The following PCDHGB7 variants were observed in gnomAD, a reference collection of about 807,000 sequenced individuals.
PCDHGB7 encodes the protein protocadherin gamma-B7.
A neutral mutation model predicts 61.4 loss-of-function variants in PCDHGB7; 37 were observed. The observed-to-expected ratio is 0.60, with a 90% CI of 0.46 to 0.79. PCDHGB7 has a LOEUF of 0.79. PCDHGB7 is among the 30% of genes least tolerant of loss of function. PCDHGB7 has a pLI of 0.00. For synonymous variants in PCDHGB7, 464 were observed against 503.5 expected, an observed-to-expected ratio of 0.92 and a Z score of 1.05; for missense variants, 1,166 against 1,202.5, an observed-to-expected ratio of 0.97 and a Z score of 0.45.
chr5:141,476,738 C>T lies in PCDHGB7; in HGVS notation c.2416-18069C>T. 6.2e-7 allele frequency: 1 copy of T among 1,614,076 alleles called. No individual in the cohort carries two copies. The highest frequency in any genetic ancestry group is 2.2e-5 in the East Asian group (1 of 44,880). On this transcript the variant is annotated intron_variant, in intron 1 of 3. Transcript: ENST00000398594. This position sits in a 1 kb window ranked among gnomAD's most constrained non-coding sequence, Gnocchi z 7.6. Reference sequence around the variant, plus strand: ...GCGCGCCCTGGACCGAGAACGGGAGCCTAGTCTCCAGTTAGTGCTGACGGC... The same window carrying T: ...GCGCGCCCTGGACCGAGAACGGGAGTCTAGTCTCCAGTTAGTGCTGACGGC...
At chr5:141,446,860 G>A (rs969206755) in intron 1 of PCDHGB7, among the ~76,000 whole-genome samples, 17 of 152,162 alleles carry the variant, frequency 1.1e-4, no homozygotes, top group African/African-American at 3.9e-4. Flanking sequence ...CTTCCTGATA[G>A]CTCTACACTG....
intron 1 of PCDHGB7, chr5:141,426,336 C>T (rs779025306): frequency 1.7e-4 from 31 of 187,682 alleles, no homozygotes; most frequent in Non-Finnish European, 2.8e-4. Context: ...GGCAAGCACT[C>T]TTCCCTTTCC....
Position 141,421,488 on chromosome 5 carries a change from G to A in PCDHGB7, c.2415+1214G>A. On this transcript the variant is annotated intron_variant, in intron 1 of 3. Transcript: ENST00000398594. ...ATCCGCGAAGCGGCAGCTTGATCAC[G>A]GCAGGCAGGATAGACCGGGAGGAGC... The A allele has an allele frequency of 1.9e-6, 3 of 1,614,100 alleles. No homozygotes were observed. In the South Asian group the frequency reaches 3.3e-5, roughly 18 times the overall value.
intron 2 of PCDHGB7, among the ~76,000 whole-genome samples, chr5:141,501,184 C>T (rs1209222790): frequency 6.6e-6 from 1 of 152,002 alleles, no homozygotes; most frequent in Non-Finnish European, 1.5e-5. Context: ...CATTTTAACA[C>T]AATTAAATTC....
At chr5:141,510,816 A>G (rs1478938067) in intron 3 of PCDHGB7, 131 bp from the exon 4 acceptor site, 2 of 1,547,282 alleles carry the variant, frequency 1.3e-6, no homozygotes, top group Non-Finnish European at 1.8e-6. Context: ...GGTGACCCCT[A>G]TATTCCCAGT....
intron 1 of PCDHGB7, among the ~76,000 whole-genome samples, chr5:141,446,247 A>T (rs969960822): frequency 6.6e-6 from 1 of 152,160 alleles, no homozygotes; most frequent in African/African-American, 2.4e-5. Context: ...GTAGATCTTC[A>T]GTGAAATATT....
chr5:141,461,124 A>G (rs992107268), intron 1 of PCDHGB7, among the ~76,000 whole-genome samples: 1 of 151,978 alleles, frequency 6.6e-6, no homozygotes, highest in Admixed American at 6.6e-5. Context: ...TTTTTCATAT[A>G]ATTACTTATT....
In PCDHGB7 at chr5:141,485,556, A is replaced by T; in HGVS notation, c.2416-9251A>T. On this transcript the variant is annotated intron_variant, in intron 1 of 3. Coordinates refer to ENST00000398594, the MANE Select transcript of PCDHGB7 (RefSeq NM_018927.4). This position sits in a 1 kb window ranked among gnomAD's most constrained non-coding sequence, Gnocchi z 5.7. ...GAGGTAGAGATCGTAGATGTGAATG[A>T]TCACGCCCCCCGTTTTCCGCGGCAG... is the stretch of plus-strand genomic sequence containing the variant. The T allele has an allele frequency of 6.2e-7, 1 of 1,613,664 alleles. No homozygotes were observed. Among genetic ancestry groups the T allele is most frequent in the Non-Finnish European group, 8.5e-7 (1 of 1,179,644 alleles).
At chr5:141,450,608 T>A (rs916441293) in intron 1 of PCDHGB7, among the ~76,000 whole-genome samples, 1 of 151,894 alleles carries the variant, frequency 6.6e-6, no homozygotes, top group East Asian at 1.9e-4. Flanking sequence ...TGCCTCAGCC[T>A]CCTGAGTAGC....
intron 1 of PCDHGB7, chr5:141,426,693 A>C (rs62378458): frequency 0.034 from 14,964 of 435,892 alleles, 320 homozygotes; most frequent in Middle Eastern, 0.11. Flanking sequence ...CCAAAATAGC[A>C]TTGTTTTACA....
In PCDHGB7 at chr5:141,419,344, C is replaced by T. The variant is rs2096363174; in HGVS notation, c.1485C>T (p.Asp495=). The T allele has an allele frequency of 1.9e-6, 3 of 1,613,732 alleles. No individual in the cohort carries two copies. Among genetic ancestry groups the T allele is most frequent in the Non-Finnish European group, 2.5e-6 (3 of 1,179,914 alleles). ...GRVSYSLIAS[D]LESRTLSSYV... The stretch of plus-strand genomic sequence containing the variant: ...TCTCCTACTCTCTCATTGCCAGCGA[C>T]CTGGAGTCACGAACGCTGTCGTCCT... Residue 495 remains aspartate (D), a synonymous_variant, in exon 1 of 4, where the codon GAC becomes GAT. Coordinates refer to ENST00000398594, the MANE Select transcript of PCDHGB7 (RefSeq NM_018927.4).
At chr5:141,455,289 A>G (rs1592356100) in intron 1 of PCDHGB7, among the ~76,000 whole-genome samples, 2 of 152,192 alleles carry the variant, frequency 1.3e-5, no homozygotes, top group East Asian at 3.9e-4. Context: ...ATCACTTTAC[A>G]TAGTTTCATC....
chr5:141,455,037 C>T (rs1251627513), intron 1 of PCDHGB7, among the ~76,000 whole-genome samples: 1 of 151,744 alleles, frequency 6.6e-6, no homozygotes, highest in Non-Finnish European at 1.5e-5. Flanking sequence ...TGGTCTCGAT[C>T]TCCTGACCTC....
At chr5:141,470,957 TCCTCCCACCTCAG>T (rs2099244488) in intron 1 of PCDHGB7, among the ~76,000 whole-genome samples, 1 of 152,026 alleles carries the variant, frequency 6.6e-6, no homozygotes, top group South Asian at 2.1e-4. Flanking sequence ...CCTCAAGTGA[TCCTCCCACCTCAG>T]CCTCCCAAAG....
intron 2 of PCDHGB7, among the ~76,000 whole-genome samples, chr5:141,497,390 C>T (rs2099776143): frequency 6.6e-6 from 1 of 152,158 alleles, no homozygotes; most frequent in Non-Finnish European, 1.5e-5. Context: ...GAGCACCTTA[C>T]CCCTGCCTCA....
intron 1 of PCDHGB7, among the ~76,000 whole-genome samples, chr5:141,468,890 G>A (rs2099184679): frequency 6.6e-6 from 1 of 151,592 alleles, no homozygotes; most frequent in African/African-American, 2.4e-5. Flanking sequence ...TAATAATAAG[G>A]TACTAATATG....
Position 141,485,138 on chromosome 5 carries a change from T to A in PCDHGB7, c.2416-9669T>A, listed in dbSNP as rs374309554. On this transcript the variant is annotated intron_variant, in intron 1 of 3. Coordinates refer to ENST00000398594, the MANE Select transcript of PCDHGB7 (RefSeq NM_018927.4). This position sits in a 1 kb window ranked among gnomAD's most constrained non-coding sequence, Gnocchi z 5.7. ...TTGGGGCGGGTCGGCTTCATCCGCG[T>A]CTCAGGAGCAAGTAGAGAATTAGCG... is the stretch of plus-strand genomic sequence containing the variant. 17 of 1,528,690 alleles carry A rather than the reference T, an allele frequency of 1.1e-5. No individual in the cohort carries two copies. The highest frequency in any genetic ancestry group is 1.3e-5 in the Non-Finnish European group (14 of 1,109,458). 94.7% of individuals were successfully genotyped at this position (1,528,690 alleles called of 1,614,324 possible).
At chr5:141,438,400 T>C (rs2154557880) in intron 1 of PCDHGB7, among the ~76,000 whole-genome samples, 1 of 151,918 alleles carries the variant, frequency 6.6e-6, no homozygotes, top group Non-Finnish European at 1.5e-5. Context: ...TCATTAACTC[T>C]CTGAAGTATT....
chr5:141,450,828 TA>T lies in PCDHGB7; in HGVS notation c.2415+30555del, dbSNP rs1427656987. Among the ~76,000 whole-genome samples the T allele has an allele frequency of 7.8e-4, 110 of 141,058 alleles. 1 individual carries two copies. The highest frequency in any genetic ancestry group is 1.8e-3 in the African/African-American group (65 of 36,868). The allele number at this position is 141,058 out of a possible 152,430, so 92.5% of individuals were successfully genotyped here. A position where few individuals can be genotyped will look rare whatever the true frequency, so the allele number is the denominator to read the frequency against. ...TTTATTTATTTAATATTATTATTAT[TA>T]TTTTTTTTTTTTTGAGATGGGGTCT... On this transcript the variant is annotated intron_variant, in intron 1 of 3. Transcript: ENST00000398594.
Sources: gnomAD v4.1 joint callset for allele counts (sites outside exome capture counted in the v4.1 genomes callset) on GRCh38, gnomAD v4.1.1 for gene constraint, Gnocchi (gnomAD v3.1) non-coding constraint, MANE v1.5 for transcripts, NCBI Gene and HGNC (gene_info 2026-07-23, HGNC 2026-07-21) for gene names.